Variants in AGPAT5 observed in about 807,000 individuals in gnomAD.
The protein encoded by AGPAT5 is 1-acylglycerol-3-phosphate O-acyltransferase 5.
A neutral mutation model predicts 45.6 loss-of-function variants in AGPAT5; 46 were observed. That is an observed-to-expected ratio of 1.01 (90% confidence interval 0.80 to 1.29). The LOEUF (loss-of-function observed/expected upper bound fraction) is 1.29, where lower values mean the gene tolerates loss of function less well. AGPAT5 is among the 50% of genes most tolerant of loss of function. AGPAT5 has a pLI of 0.00. For synonymous variants in AGPAT5, 272 were observed against 167.0 expected, an observed-to-expected ratio of 1.63 and a Z score of -4.85; for missense variants, 673 against 450.7, an observed-to-expected ratio of 1.49 and a Z score of -4.47.
chr8:6,749,597 A>G (rs116108810), intron 6 of AGPAT5, among the ~76,000 whole-genome samples: 1,748 of 152,258 alleles, frequency 0.011, 28 homozygotes, highest in African/African-American at 0.041. Flanking sequence ...AAATTTAAGT[A>G]TATCTTCTTA....
rs975859050 is a variant in AGPAT5, at chr8:6,760,518, T to G, written c.*3130T>G. On this transcript the variant is annotated 3_prime_UTR_variant, in exon 8 of 8. Coordinates refer to ENST00000285518, the MANE Select transcript of AGPAT5 (RefSeq NM_018361.5). ...GAGAAATGTCTACCAAAGCAGTATT[T>G]TGTGTGTATAATTGCAAGCGCATAG... is the stretch of plus-strand genomic sequence containing the variant. Among the ~76,000 whole-genome samples, 4 of 152,258 alleles carry G rather than the reference T, an allele frequency of 2.6e-5. No homozygotes were observed. The highest frequency in any genetic ancestry group is 9.6e-5 in the African/African-American group (4 of 41,466).
chr8:6,709,547 G>A (rs375577735), intron 1 of AGPAT5: 21 of 131,288 alleles, frequency 1.6e-4, no homozygotes, highest in African/African-American at 6.2e-4. Context: ...TTAACAGTAG[G>A]TATTTGAAGT....
rs973720210 is a variant in AGPAT5, at chr8:6,749,199, A to T, written c.745+1371A>T. Among the ~76,000 whole-genome samples the T allele has an allele frequency of 5.9e-5, 9 of 152,200 alleles. 1 individual carries two copies. Among genetic ancestry groups the T allele is most frequent in the Admixed American group, 5.9e-4 (9 of 15,284 alleles). On this transcript the variant is annotated intron_variant, in intron 6 of 7. Transcript: ENST00000285518. ...AATAATGATAAGATGAGGGTCACTC[A>T]GGTTTTAAAAGAAAAGCTCTTTGAC...
intron 1 of AGPAT5, among the ~76,000 whole-genome samples, chr8:6,718,389 A>G (rs1028250327): frequency 6.6e-6 from 1 of 152,324 alleles, no homozygotes. Context: ...TCTTGTGTGT[A>G]CAGTCGTGAC....
chr8:6,718,877 G>C (rs1046890770), intron 1 of AGPAT5, among the ~76,000 whole-genome samples: 2 of 152,186 alleles, frequency 1.3e-5, no homozygotes, highest in Admixed American at 1.3e-4. Flanking sequence ...ATGTCCTTGA[G>C]AAGCAGCAGT....
chr8:6,731,474 G>A (rs979024802), intron 3 of AGPAT5, among the ~76,000 whole-genome samples: 1 of 151,984 alleles, frequency 6.6e-6, no homozygotes, highest in Non-Finnish European at 1.5e-5. Context: ...CATTATAAAT[G>A]CCATGTAAAT....
chr8:6,752,609 C>T (rs923967839), intron 6 of AGPAT5, among the ~76,000 whole-genome samples: 2 of 152,002 alleles, frequency 1.3e-5, no homozygotes, highest in Admixed American at 6.6e-5. Flanking sequence ...GTGACCTGTA[C>T]GAATAGTTGG....
chr8:6,722,156 T>A (rs182440528), intron 1 of AGPAT5, among the ~76,000 whole-genome samples: 44 of 152,322 alleles, frequency 2.9e-4, no homozygotes, highest in African/African-American at 1.1e-3. Flanking sequence ...TTTTGCCAGT[T>A]TCTGGTCTCC....
chr8:6,757,129 A>T (rs778622393), intron 7 of AGPAT5, 34 bp from the exon 8 acceptor site: 4 of 1,539,056 alleles, frequency 2.6e-6, no homozygotes, highest in Non-Finnish European at 3.6e-6. Context: ...TACTGAAGTG[A>T]CTAAAATCTA....
At chr8:6,747,920 T>C (rs1375728138) in intron 6 of AGPAT5, 92 bp downstream of exon 6, 6 of 1,367,558 alleles carry the variant, frequency 4.4e-6, no homozygotes, top group Non-Finnish European at 5.9e-6. Context: ...AGGTTAAGTG[T>C]ACTTTTTTCC....
chr8:6,743,297 G>C (rs911413938), intron 5 of AGPAT5, among the ~76,000 whole-genome samples: 10 of 152,148 alleles, frequency 6.6e-5, no homozygotes, highest in African/African-American at 2.2e-4. Flanking sequence ...TTCCTTGACT[G>C]CTGATGACTC....
intron 2 of AGPAT5, among the ~76,000 whole-genome samples, chr8:6,729,145 T>C (rs1373389212): frequency 1.3e-5 from 2 of 152,222 alleles, no homozygotes; most frequent in Admixed American, 1.3e-4. Context: ...TGTATAATAA[T>C]GGATAAGAGA....
In AGPAT5 at chr8:6,757,502, A is replaced by G; in HGVS notation, c.*114A>G. On this transcript the variant is annotated 3_prime_UTR_variant, in exon 8 of 8. Transcript: ENST00000285518. ...AAGGAGTGTAAATAAAGCCTTGTTG[A>G]TTGAAGATTGGATAATAGAATTTGT... 1 of 795,104 alleles carries G rather than the reference A, an allele frequency of 1.3e-6. No homozygotes were observed. The highest frequency in any genetic ancestry group is 2.0e-6 in the Non-Finnish European group (1 of 493,186). The allele number at this position is 795,104 out of a possible 1,614,324, so 49.3% of individuals were successfully genotyped here. A position where few individuals can be genotyped will look rare whatever the true frequency, so the allele number is the denominator to read the frequency against.
At chr8:6,719,043 T>G (rs182160048) in intron 1 of AGPAT5, among the ~76,000 whole-genome samples, 98 of 152,340 alleles carry the variant, frequency 6.4e-4, no homozygotes, top group Admixed American at 2.4e-3. Context: ...GGTCGAAGAT[T>G]GTAAAAATTT....
intron 4 of AGPAT5, among the ~76,000 whole-genome samples, chr8:6,740,290 A>G (rs1308434816): frequency 2.0e-5 from 3 of 151,932 alleles, no homozygotes; most frequent in Non-Finnish European, 4.4e-5. Flanking sequence ...CTGTTACAAA[A>G]CACATTTTCA....
intron 2 of AGPAT5, 29 bp from the exon 3 acceptor site, chr8:6,730,682 T>A: frequency 6.7e-7 from 1 of 1,491,564 alleles, no homozygotes; most frequent in Non-Finnish European, 9.3e-7. Flanking sequence ...GAGCCTCATG[T>A]ACGCGCTAAC....
chr8:6,744,914 T>G (rs1801381171), intron 5 of AGPAT5, among the ~76,000 whole-genome samples: 1 of 152,196 alleles, frequency 6.6e-6, no homozygotes, highest in South Asian at 2.1e-4. Context: ...GAGAACATCG[T>G]AAGATCAATG....
chr8:6,735,885 C>T (rs1041898173), intron 4 of AGPAT5, among the ~76,000 whole-genome samples: 6 of 113,314 alleles, frequency 5.3e-5, no homozygotes, highest in African/African-American at 2.0e-4. Flanking sequence ...GTTGGAGTCT[C>T]GGTCTGTCAC....
At chr8:6,756,970 C>G (rs1454531021) in intron 7 of AGPAT5, among the ~76,000 whole-genome samples, 193 bp from the exon 8 acceptor site, 2 of 152,234 alleles carry the variant, frequency 1.3e-5, no homozygotes, top group African/African-American at 4.8e-5. Context: ...GTATACTAAT[C>G]ATAGAGCATA....
Sources: gnomAD v4.1 joint callset for allele counts (sites outside exome capture counted in the v4.1 genomes callset) on GRCh38, gnomAD v4.1.1 for gene constraint, MANE v1.5 for transcripts, NCBI Gene and HGNC (gene_info 2026-07-23, HGNC 2026-07-21) for gene names.